USH2A: variants seen among roughly 807,000 people sequenced by gnomAD.
USH2A encodes the protein Usher syndrome 2A (autosomal recessive, mild).
In USH2A, 443 loss-of-function variants were observed where a neutral mutation model predicts 538.9. That is an observed-to-expected ratio of 0.82 (90% confidence interval 0.76 to 0.89). The LOEUF is 0.89. Ranked by LOEUF, USH2A falls within the 40% of genes least tolerant of loss-of-function variation. USH2A has a pLI of 0.00. For missense variants in USH2A, 6,633 were observed against 6,324.8 expected, an observed-to-expected ratio of 1.05 and a Z score of -1.65; for synonymous variants, 2,413 against 2,273.5, an observed-to-expected ratio of 1.06 and a Z score of -1.75.
intron 61 of USH2A, among the ~76,000 whole-genome samples, chr1:215,706,586 C>T (rs184759076): frequency 2.0e-5 from 3 of 152,136 alleles, no homozygotes; most frequent in Admixed American, 6.5e-5. Flanking sequence ...CTGGTTATCA[C>T]CAATCAGAAA....
At chr1:215,918,340 TG>T (rs949191518) in intron 38 of USH2A, among the ~76,000 whole-genome samples, 1 of 152,082 alleles carries the variant, frequency 6.6e-6, no homozygotes, top group African/African-American at 2.4e-5. Context: ...GATGGAGCCT[TG>T]GGAGGTGATC....
At chr1:215,731,304 G>A (rs981992536) in intron 60 of USH2A, among the ~76,000 whole-genome samples, 27 of 152,118 alleles carry the variant, frequency 1.8e-4, no homozygotes, top group African/African-American at 5.8e-4. Flanking sequence ...AATTAATATC[G>A]TGGAGAAGTA....
intron 20 of USH2A, among the ~76,000 whole-genome samples, chr1:216,176,200 T>C (rs1048247715): frequency 2.4e-4 from 36 of 152,228 alleles, no homozygotes; most frequent in African/African-American, 8.2e-4. Flanking sequence ...GGCTACACCA[T>C]AGGCAATGTG....
intron 4 of USH2A, among the ~76,000 whole-genome samples, chr1:216,347,030 G>C (rs2038189510): frequency 6.6e-6 from 1 of 151,958 alleles, no homozygotes; most frequent in Non-Finnish European, 1.5e-5. Context: ...AAAAATTATT[G>C]ATAAAATAAA....
At chr1:215,741,282 C>T (rs1660292260) in intron 60 of USH2A, 93 bp downstream of exon 60, 10 of 1,421,580 alleles carry the variant, frequency 7.0e-6, no homozygotes, top group Non-Finnish European at 9.8e-6. Context: ...CCCATTCATT[C>T]TCTTATGGAA....
At chr1:215,786,992 G>A in intron 51 of USH2A, 118 bp from the exon 52 acceptor site, 2 of 911,588 alleles carry the variant, frequency 2.2e-6, no homozygotes, top group South Asian at 1.5e-5. Flanking sequence ...CTTGATGAAT[G>A]AATATTTCAA....
chr1:215,841,454 C>G (rs1205947953), intron 46 of USH2A, among the ~76,000 whole-genome samples: 1 of 152,156 alleles, frequency 6.6e-6, no homozygotes, highest in Non-Finnish European at 1.5e-5. Flanking sequence ...AAAGGATTCC[C>G]TATTTAATAA....
intron 46 of USH2A, among the ~76,000 whole-genome samples, chr1:215,839,762 C>G (rs11120661): frequency 0.013 from 1,918 of 152,112 alleles, 50 homozygotes; most frequent in African/African-American, 0.044. Context: ...GAATGAAACA[C>G]AAATATAAAG....
intron 38 of USH2A, among the ~76,000 whole-genome samples, chr1:215,922,662 G>A (rs1558163162): frequency 6.6e-6 from 1 of 152,032 alleles, no homozygotes; most frequent in Non-Finnish European, 1.5e-5. Context: ...CAGATTGCTT[G>A]GCCCCACCCT....
At chr1:215,783,904 A>G (rs542051864) in intron 52 of USH2A, among the ~76,000 whole-genome samples, 1 of 152,210 alleles carries the variant, frequency 6.6e-6, no homozygotes. Context: ...ATTAATGGAG[A>G]GACATTCTCC....
chr1:216,076,251 T>A (rs1223071378), intron 27 of USH2A, among the ~76,000 whole-genome samples: 2 of 152,162 alleles, frequency 1.3e-5, no homozygotes, highest in Non-Finnish European at 2.9e-5. Flanking sequence ...TACGTCAATA[T>A]TTTTTCAGTG....
At chr1:216,050,841 G>A (rs1029102745) in intron 30 of USH2A, among the ~76,000 whole-genome samples, 15 of 151,324 alleles carry the variant, frequency 9.9e-5, no homozygotes, top group South Asian at 2.1e-4. Flanking sequence ...TCCTGACCTC[G>A]TGATCCACCC....
chr1:215,678,752 G>T (rs987825290), intron 62 of USH2A, among the ~76,000 whole-genome samples: 1 of 151,764 alleles, frequency 6.6e-6, no homozygotes, highest in Non-Finnish European at 1.5e-5. Flanking sequence ...ACTCACACAC[G>T]GTCTGTAACA....
At chr1:215,901,907 C>T (rs1291382360) in intron 38 of USH2A, among the ~76,000 whole-genome samples, 2 of 152,198 alleles carry the variant, frequency 1.3e-5, no homozygotes, top group African/African-American at 2.4e-5. Flanking sequence ...GACTCCGAGC[C>T]TATATTTTCT....
chr1:216,290,038 CAT>C (rs1191384644), intron 10 of USH2A, among the ~76,000 whole-genome samples: 1 of 151,812 alleles, frequency 6.6e-6, no homozygotes, highest in African/African-American at 2.4e-5. Context: ...AGGTAATTCC[CAT>C]AGTTTATAAT....
At chr1:215,791,790 A>G (rs1325760814) in intron 50 of USH2A, among the ~76,000 whole-genome samples, 2 of 152,224 alleles carry the variant, frequency 1.3e-5, no homozygotes, top group African/African-American at 2.4e-5. Context: ...GTATAAGTAC[A>G]TACCCAAATA....
intron 32 of USH2A, among the ~76,000 whole-genome samples, chr1:216,042,523 C>T (rs1288425904): frequency 3.3e-5 from 5 of 151,878 alleles, no homozygotes. Context: ...ACCCACAAGC[C>T]ACTCAGTGTG....
chr1:216,386,956 A>G (rs2039019442), intron 3 of USH2A, among the ~76,000 whole-genome samples: 3 of 152,206 alleles, frequency 2.0e-5, no homozygotes, highest in Admixed American at 6.5e-5. Flanking sequence ...TAGCTTCTCA[A>G]ACTCTAAGAA....
At chr1:215,979,254 G>A (rs969993179) in intron 35 of USH2A, among the ~76,000 whole-genome samples, 5 of 152,082 alleles carry the variant, frequency 3.3e-5, no homozygotes, top group South Asian at 2.1e-4. Context: ...TACTTCCCAC[G>A]GGGTCTCTCC....
Sources: gnomAD v4.1 joint callset for allele counts (sites outside exome capture counted in the v4.1 genomes callset) on GRCh38, gnomAD v4.1.1 for gene constraint, MANE v1.5 for transcripts, NCBI Gene and HGNC (gene_info 2026-07-23, HGNC 2026-07-21) for gene names.